MALRD1: variants seen among roughly 807,000 people sequenced by gnomAD.
MALRD1 encodes MAM and LDL receptor class A domain containing 1.
In MALRD1, 247 loss-of-function variants were observed where a neutral mutation model predicts 242.1. That is an observed-to-expected ratio of 1.02 (90% CI 0.92 to 1.13). The LOEUF (loss-of-function observed/expected upper bound fraction) is 1.13. Ranked by LOEUF, MALRD1 falls within the 50% of genes most tolerant of loss-of-function variation. MALRD1 has a pLI of 0.00. For missense variants in MALRD1, 2,989 were observed against 2,533.1 expected (o/e 1.18, Z -3.86); for synonymous variants, 995 against 866.6 (o/e 1.15, Z -2.60).
chr10:19,611,553 C>A (rs894338570), intron 35 of MALRD1, among the ~76,000 whole-genome samples: 6 of 151,908 alleles, frequency 3.9e-5, no homozygotes, highest in Non-Finnish European at 4.4e-5. Flanking sequence ...CAAAGGGGTA[C>A]AAACCAGAGA....
At chr10:19,182,263 G>T (rs2131560542) in intron 14 of MALRD1, among the ~76,000 whole-genome samples, 1 of 147,750 alleles carries the variant, frequency 6.8e-6, no homozygotes, top group East Asian at 2.0e-4. Flanking sequence ...GAACTTTCTT[G>T]TCATTTAGTT....
At chr10:19,188,533 C>T (rs563825172) in intron 14 of MALRD1, among the ~76,000 whole-genome samples, 3 of 126,462 alleles carry the variant, frequency 2.4e-5, no homozygotes, top group South Asian at 2.2e-4. Context: ...TGAGGACTTT[C>T]GAGTTTACAC....
intron 36 of MALRD1, among the ~76,000 whole-genome samples, chr10:19,667,559 G>A (rs1488609248): frequency 6.6e-6 from 1 of 151,974 alleles, no homozygotes; most frequent in Admixed American, 6.5e-5. Context: ...TCTCATGAGA[G>A]TTGGTTATTT....
In MALRD1 at chr10:19,514,997, A is replaced by G. The variant is rs559463801; in HGVS notation, c.5321-16197A>G. Among the ~76,000 whole-genome samples the G allele has an allele frequency of 5.3e-5, 8 of 152,174 alleles. 1 individual carries two copies. The South Asian group carries it at 1.7e-3, about 32-fold the overall frequency. On this transcript the variant is annotated intron_variant, in intron 31 of 39. Coordinates refer to ENST00000454679, the MANE Select transcript of MALRD1 (RefSeq NM_001142308.3). ...CATAAAATATCTGTCCATTCCATCT[A>G]CAATACCCTTATGTCCATTCAGTGT...
intron 36 of MALRD1, among the ~76,000 whole-genome samples, chr10:19,621,758 C>T (rs56341746): frequency 0.054 from 8,232 of 151,640 alleles, 491 homozygotes; most frequent in African/African-American, 0.15. Flanking sequence ...TAACACAAAA[C>T]CAAAAACTCT....
At chr10:19,316,643 C>G (rs148907158) in intron 21 of MALRD1, among the ~76,000 whole-genome samples, 92 of 151,888 alleles carry the variant, frequency 6.1e-4, no homozygotes, top group African/African-American at 2.1e-3. Flanking sequence ...GAGGAATGAT[C>G]TGCTGCAGAT....
At chr10:19,438,610 T>A (rs114500914) in intron 28 of MALRD1, among the ~76,000 whole-genome samples, 124 of 152,312 alleles carry the variant, frequency 8.1e-4, no homozygotes, top group African/African-American at 2.9e-3. Context: ...CCATTCTACA[T>A]TCTTACCAAC....
At chr10:19,677,173 A>G (rs1318781552) in intron 36 of MALRD1, among the ~76,000 whole-genome samples, 5 of 152,264 alleles carry the variant, frequency 3.3e-5, no homozygotes, top group Middle Eastern at 3.4e-3. Flanking sequence ...TCCTTTGGGT[A>G]TATACCCAGT....
In MALRD1 at chr10:19,393,612, A is replaced by ATTT. The variant is rs71387075; in HGVS notation, c.4845+4018_4845+4020dup. Among the ~76,000 whole-genome samples, 77 of 132,412 alleles carry ATTT rather than the reference A, an allele frequency of 5.8e-4. 1 individual carries two copies. The highest frequency in any genetic ancestry group is 1.2e-3 in the Admixed American group (16 of 13,002). The allele number at this position is 132,412 out of a possible 152,430, so 86.9% of individuals were successfully genotyped here. On this transcript the variant is annotated intron_variant, in intron 28 of 39. Transcript: ENST00000454679. ...AGGCGCCGGCCACCACGCCTGGCTA[A>ATTT]TTTTTTTTTTTTTTTTTGTATTTTT...
At chr10:19,130,571 C>G (rs1353731451) in intron 8 of MALRD1, among the ~76,000 whole-genome samples, 1 of 151,982 alleles carries the variant, frequency 6.6e-6, no homozygotes, top group Non-Finnish European at 1.5e-5. Context: ...ATAATATGGT[C>G]TAATCCTGAG....
At chr10:19,484,532 A>T (rs775348983) in intron 29 of MALRD1, among the ~76,000 whole-genome samples, 1 of 152,174 alleles carries the variant, frequency 6.6e-6, no homozygotes. Context: ...TGTTATTTTT[A>T]TAATTCATAA....
At chr10:19,615,593 G>A (rs539536925) in intron 35 of MALRD1, among the ~76,000 whole-genome samples, 37 of 141,448 alleles carry the variant, frequency 2.6e-4, no homozygotes, top group African/African-American at 9.8e-4. Flanking sequence ...AATTAAACAA[G>A]TAAATAATTT....
chr10:19,482,000 T>A (rs1315765197), intron 29 of MALRD1, among the ~76,000 whole-genome samples: 2 of 152,162 alleles, frequency 1.3e-5, no homozygotes, highest in Middle Eastern at 6.8e-3. Context: ...AGTTGCTCAA[T>A]ACATGTTTCT....
chr10:19,319,894 C>CT (rs34223221), intron 21 of MALRD1, among the ~76,000 whole-genome samples: 9 of 151,412 alleles, frequency 5.9e-5, no homozygotes, highest in East Asian at 3.9e-4. Flanking sequence ...TATAATGAGT[C>CT]TTTTTTTTTA....
At chr10:19,357,262 A>G (rs1184929866) in intron 26 of MALRD1, among the ~76,000 whole-genome samples, 1 of 152,158 alleles carries the variant, frequency 6.6e-6, no homozygotes, top group African/African-American at 2.4e-5. Flanking sequence ...TTCCTCTTCT[A>G]TAAAGCAGAG....
intron 34 of MALRD1, among the ~76,000 whole-genome samples, chr10:19,600,178 T>G (rs1235185017): frequency 6.6e-6 from 1 of 152,152 alleles, no homozygotes. Flanking sequence ...ATCAATATTT[T>G]TACTATTGGC....
At chr10:19,683,060 G>A (rs368241452) in intron 36 of MALRD1, among the ~76,000 whole-genome samples, 7 of 151,772 alleles carry the variant, frequency 4.6e-5, no homozygotes, top group African/African-American at 1.5e-4. Flanking sequence ...TTGGGAGGCC[G>A]AGGCAGGCAG....
intron 32 of MALRD1, among the ~76,000 whole-genome samples, chr10:19,555,925 G>A (rs1199341368): frequency 6.6e-6 from 1 of 151,894 alleles, no homozygotes; most frequent in African/African-American, 2.4e-5. Flanking sequence ...AGAAAAGGAG[G>A]GTGACTAAAT....
At chr10:19,333,617 T>C (rs1843483705) in intron 24 of MALRD1, among the ~76,000 whole-genome samples, 1 of 152,176 alleles carries the variant, frequency 6.6e-6, no homozygotes, top group Admixed American at 6.5e-5. Flanking sequence ...TAGGAATGCG[T>C]GTATCTTTTT....
Sources: gnomAD v4.1 joint callset for allele counts (sites outside exome capture counted in the v4.1 genomes callset) on GRCh38, gnomAD v4.1.1 for gene constraint, MANE v1.5 for transcripts, NCBI Gene and HGNC (gene_info 2026-07-23, HGNC 2026-07-21) for gene names.